Variants in RPS6KA5 observed in about 807,000 individuals in gnomAD.
The protein encoded by RPS6KA5 is ribosomal protein S6 kinase A5.
A neutral mutation model predicts 85.5 loss-of-function variants in RPS6KA5; 27 were observed. The ratio of observed to expected loss-of-function variants is 0.32; its 90% CI spans 0.23 to 0.44. The LOEUF is 0.44. RPS6KA5 is among the 20% of genes least tolerant of loss of function. The pLI is 1.00. For synonymous variants in RPS6KA5, 334 were observed against 348.2 expected (o/e 0.96, Z 0.46); for missense variants, 811 against 980.9 (o/e 0.83, Z 2.31).
At chr14:90,980,520 A>G (rs2039745544) in intron 2 of RPS6KA5, among the ~76,000 whole-genome samples, 1 of 152,240 alleles carries the variant, frequency 6.6e-6, no homozygotes, top group African/African-American at 2.4e-5. Context: ...CTAACATCTG[A>G]GTACTTGTCA....
rs952169385 is a variant in RPS6KA5 at position 90,857,671 on chromosome 14, T to C, written c.*14403A>G. On this transcript the variant is annotated 3_prime_UTR_variant, in exon 17 of 17. Coordinates refer to ENST00000614987, the MANE Select transcript of RPS6KA5 (RefSeq NM_004755.4). ...GCTCTACAGAGTTTTTTCAAAAGGC[T>C]AAAAATATTTATATAAAGAAGATGT... is the stretch of plus-strand genomic sequence containing the variant. 1.3e-5 allele frequency: 2 copies of C among 152,168 alleles called. No homozygotes were observed. The highest frequency in any genetic ancestry group is 2.4e-5 in the African/African-American group (1 of 41,452). 9.4% of individuals were successfully genotyped at this position (152,168 alleles called of 1,614,324 possible).
rs146289713 is a variant in RPS6KA5, at chr14:91,057,065, G to A, written c.103+3267C>T. ...CAGCTAATTTTTTGTATTTTTAGTA[G>A]AGATGGGGTTTCACCAGGTTGTCCA... is the stretch of plus-strand genomic sequence containing the variant. On this transcript the variant is annotated intron_variant, in intron 1 of 16. Transcript: ENST00000614987. Among the ~76,000 whole-genome samples, 893 of 151,474 alleles carry A rather than the reference G, an allele frequency of 5.9e-3. 3 individuals carry two copies. Among genetic ancestry groups the A allele is most frequent in the Admixed American group, 0.014 (207 of 15,200 alleles).
chr14:90,986,044 T>C (rs1027408601), intron 2 of RPS6KA5, among the ~76,000 whole-genome samples: 2 of 152,206 alleles, frequency 1.3e-5, no homozygotes, highest in Admixed American at 6.5e-5. Flanking sequence ...AAAATCTGGC[T>C]AGTTCTCACT....
chr14:90,952,883 G>T (rs2038280376), intron 3 of RPS6KA5, among the ~76,000 whole-genome samples: 2 of 152,208 alleles, frequency 1.3e-5, no homozygotes, highest in African/African-American at 4.8e-5. Context: ...TGGAGCTGAG[G>T]CGTTAGATCA....
At chr14:91,000,674 C>T (rs1408780364) in intron 2 of RPS6KA5, among the ~76,000 whole-genome samples, 2 of 151,994 alleles carry the variant, frequency 1.3e-5, no homozygotes, top group Non-Finnish European at 2.9e-5. Context: ...TGGTAGAAGG[C>T]GCCTGTAATC....
At chr14:91,026,085 T>C (rs928990512) in intron 1 of RPS6KA5, among the ~76,000 whole-genome samples, 3 of 152,220 alleles carry the variant, frequency 2.0e-5, no homozygotes, top group African/African-American at 4.8e-5. Context: ...GAACTTCATA[T>C]AGGTTTAGAT....
rs1416746844 is a variant in RPS6KA5 at position 90,951,861 on chromosome 14, C to T, written c.395-4311G>A. Among the ~76,000 whole-genome samples the T allele has an allele frequency of 5.9e-5, 9 of 152,120 alleles. No individual in the cohort carries two copies. In the South Asian group the frequency reaches 6.2e-4, roughly 11 times the overall value. On this transcript the variant is annotated intron_variant, in intron 3 of 16. Coordinates refer to ENST00000614987, the MANE Select transcript of RPS6KA5 (RefSeq NM_004755.4). ...TTTGGAAATTGGCTATTGCCATGTC[C>T]GGACTGCGAGTATGGGAAGGGGAAA...
Position 90,862,226 on chromosome 14 carries a change from T to C in RPS6KA5, c.*9848A>G, listed in dbSNP as rs2032590321. On this transcript the variant is annotated 3_prime_UTR_variant, in exon 17 of 17. Coordinates refer to ENST00000614987, the MANE Select transcript of RPS6KA5 (RefSeq NM_004755.4). ...AAGATATATTCCAATTAATGACAAC[T>C]TTCCCACAAAGAAAACTTCTCATTC... is the stretch of plus-strand genomic sequence containing the variant. 1 of 152,168 alleles carries C rather than the reference T, an allele frequency of 6.6e-6. No homozygotes were observed. Among genetic ancestry groups the C allele is most frequent in the African/African-American group, 2.4e-5 (1 of 41,440 alleles). The allele number at this position is 152,168 out of a possible 1,614,324, so 9.4% of individuals were successfully genotyped here.
intron 7 of RPS6KA5, among the ~76,000 whole-genome samples, chr14:90,919,592 T>C (rs192873139): frequency 2.6e-5 from 4 of 152,330 alleles, no homozygotes; most frequent in Admixed American, 2.6e-4. Flanking sequence ...ATTTACGGCA[T>C]TCTATATAGC....
rs1252840623 is a variant in RPS6KA5, at chr14:90,920,362, T to C, written c.703-53A>G. ...TAGAATTATCAACTAAAATATTTTA[T>C]AAGAAAGAAAAAATGAATAAAAGCT... On this transcript the variant is annotated intron_variant, in intron 6 of 16. Coordinates refer to ENST00000614987, the MANE Select transcript of RPS6KA5 (RefSeq NM_004755.4). 18 of 1,235,362 alleles carry C rather than the reference T, an allele frequency of 1.5e-5. No homozygotes were observed. In the Admixed American group the frequency reaches 3.1e-4, roughly 21 times the overall value. The allele number at this position is 1,235,362 out of a possible 1,614,324, so 76.5% of individuals were successfully genotyped here. A position where few individuals can be genotyped will look rare whatever the true frequency, so the allele number is the denominator to read the frequency against.
intron 13 of RPS6KA5, among the ~76,000 whole-genome samples, chr14:90,892,563 TTTCTTA>T (rs201912587): frequency 0.12 from 17,721 of 152,304 alleles, 1,451 homozygotes; most frequent in East Asian, 0.23. Flanking sequence ...GTATGCAACT[TTTCTTA>T]ATCTCAGAAG....
chr14:90,917,650 T>C (rs1196869708), intron 7 of RPS6KA5, among the ~76,000 whole-genome samples: 1 of 152,216 alleles, frequency 6.6e-6, no homozygotes, highest in Non-Finnish European at 1.5e-5. Flanking sequence ...TCATATGGTA[T>C]ATATTCTATA....
chr14:91,049,441 C>G (rs1007619238), intron 1 of RPS6KA5, among the ~76,000 whole-genome samples: 2 of 151,998 alleles, frequency 1.3e-5, no homozygotes, highest in African/African-American at 4.8e-5. Flanking sequence ...GGTGAAACCC[C>G]ATCTCTACTA....
At position 90,851,894 on chromosome 14, in the gene RPS6KA5, G is replaced by A. The variant is rs1016276773; in HGVS notation, c.*20180C>T. 1.3e-5 allele frequency: 2 copies of A among 152,040 alleles called. No homozygotes were observed. Among genetic ancestry groups the A allele is most frequent in the African/African-American group, 4.8e-5 (2 of 41,392 alleles). 9.4% of individuals were successfully genotyped at this position (152,040 alleles called of 1,614,324 possible). On this transcript the variant is annotated 3_prime_UTR_variant, in exon 17 of 17. Coordinates refer to ENST00000614987, the MANE Select transcript of RPS6KA5 (RefSeq NM_004755.4). ...GGCTCACTGTACAAGGTCCAACTTT[G>A]CATCTAACTTCAACACACAGCCTTC...
chr14:90,890,686 A>G lies in RPS6KA5; in HGVS notation c.1645-8T>C. On this transcript the variant is annotated splice_region_variant and splice_polypyrimidine_tract_variant and intron_variant, in intron 13 of 16. Coordinates refer to ENST00000614987, the MANE Select transcript of RPS6KA5 (RefSeq NM_004755.4). ...ATCGGTGAACAATAAATTCTGCAAG[A>G]TATCAATGCTTACATTAGTTTCTCA... is the stretch of plus-strand genomic sequence containing the variant. 2 of 1,607,822 alleles carry G rather than the reference A, an allele frequency of 1.2e-6. No homozygotes were observed. Among genetic ancestry groups the G allele is most frequent in the Non-Finnish European group, 1.7e-6 (2 of 1,175,052 alleles).
At position 90,951,844 on chromosome 14, in the gene RPS6KA5, T is replaced by C. The variant is rs191972345; in HGVS notation, c.395-4294A>G. 1.5e-4 allele frequency among the ~76,000 whole-genome samples: 23 copies of C among 152,274 alleles called. No individual in the cohort carries two copies. The East Asian group carries it at 3.9e-3, about 26-fold the overall frequency. Reference sequence around the variant, plus strand: ...CCCAGAACACCCAGACCTTTGGAAATTGGCTATTGCCATGTCCGGACTGCG... The same window carrying C: ...CCCAGAACACCCAGACCTTTGGAAACTGGCTATTGCCATGTCCGGACTGCG... On this transcript the variant is annotated intron_variant, in intron 3 of 16. Coordinates refer to ENST00000614987, the MANE Select transcript of RPS6KA5 (RefSeq NM_004755.4).
At position 90,870,805 on chromosome 14, in the gene RPS6KA5, C is replaced by CTTTTTTTT. The variant is rs78409439; in HGVS notation, c.*1261_*1268dup. 10 of 85,858 alleles carry CTTTTTTTT rather than the reference C, an allele frequency of 1.2e-4. No individual in the cohort carries two copies. Among genetic ancestry groups the CTTTTTTTT allele is most frequent in the African/African-American group, 4.1e-4 (9 of 21,750 alleles). 5.3% of individuals were successfully genotyped at this position (85,858 alleles called of 1,614,324 possible). A position where few individuals can be genotyped will look rare whatever the true frequency, so the allele number is the denominator to read the frequency against. ...ATATAACACACAAACCCTATCACTT[C>CTTTTTTTT]TTTTTTTTTTTTTTTTTTTTTTGCA... On this transcript the variant is annotated 3_prime_UTR_variant, in exon 17 of 17. Coordinates refer to ENST00000614987, the MANE Select transcript of RPS6KA5 (RefSeq NM_004755.4).
Position 91,050,061 on chromosome 14 carries a change from T to C in RPS6KA5, c.103+10271A>G, listed in dbSNP as rs1483845607. 2.0e-5 allele frequency among the ~76,000 whole-genome samples: 3 copies of C among 152,344 alleles called. No individual in the cohort carries two copies. In the South Asian group the frequency reaches 6.2e-4, roughly 32 times the overall value. On this transcript the variant is annotated intron_variant, in intron 1 of 16. Transcript: ENST00000614987. Reference sequence around the variant, plus strand: ...TAGTATAAAAAGGAGAGCTGCACTGTACTCATACATAACTACAACTGTCAC... The same window carrying C: ...TAGTATAAAAAGGAGAGCTGCACTGCACTCATACATAACTACAACTGTCAC...
At chr14:90,920,114 T>C in intron 7 of RPS6KA5, 92 bp downstream of exon 7, 1 of 849,058 alleles carries the variant, frequency 1.2e-6, no homozygotes. Flanking sequence ...ATCCTCATTT[T>C]AAAAAATTAT....
Sources: gnomAD v4.1 joint callset for allele counts (sites outside exome capture counted in the v4.1 genomes callset) on GRCh38, gnomAD v4.1.1 for gene constraint, MANE v1.5 for transcripts, NCBI Gene and HGNC (gene_info 2026-07-23, HGNC 2026-07-21) for gene names.